ZC2HC1A: variants seen among roughly 807,000 people sequenced by gnomAD.
ZC2HC1A encodes the protein zinc finger C2HC-type containing 1A.
In ZC2HC1A, 28 loss-of-function variants were observed where a neutral mutation model predicts 40.7. The ratio of observed to expected loss-of-function variants is 0.69; its 90% confidence interval spans 0.51 to 0.94. ZC2HC1A has a LOEUF of 0.94. Among genes scored for constraint, ZC2HC1A ranks in the 40% least tolerant of loss-of-function variants. The probability of loss-of-function intolerance (pLI) is 0.00; values close to 1 mark genes in which losing one functional copy is unlikely to be tolerated. For synonymous variants in ZC2HC1A, 129 were observed against 129.2 expected (o/e 1.00, Z 0.01); for missense variants, 389 against 386.3 (o/e 1.01, Z -0.06).
chr8:78,717,443 G>T lies in ZC2HC1A; in HGVS notation c.928G>T (p.Glu310Ter). Residue 310 changes from glutamate to a stop codon, truncating the protein, a stop_gained, in exon 9 of 9, where the codon GAA (glutamate) becomes TAA (stop). Transcript: ENST00000263849. LOFTEE classifies it high-confidence loss of function. The part of the protein sequence containing the change: ...CHECGTKYPV[E>*]WAKFCCECGI... ...TGAGTGTGGGACTAAATACCCTGTA[G>T]AATGGGCCAAATTTTGCTGTGAATG... The T allele has an allele frequency of 6.2e-7, 1 of 1,604,960 alleles. No individual in the cohort carries two copies. Among genetic ancestry groups the T allele is most frequent in the African/African-American group, 1.3e-5 (1 of 74,074 alleles).
chr8:78,709,791 A>G (rs1316607317), intron 7 of ZC2HC1A, among the ~76,000 whole-genome samples: 3 of 152,168 alleles, frequency 2.0e-5, no homozygotes, highest in African/African-American at 7.2e-5. Context: ...ATTCAAAGCC[A>G]TCTTGGGTGG....
intron 2 of ZC2HC1A, 150 bp downstream of exon 2, chr8:78,676,013 T>C (rs183509135): frequency 2.6e-4 from 132 of 508,648 alleles, no homozygotes; most frequent in African/African-American, 2.3e-3. Flanking sequence ...ATTTCAGCTA[T>C]GCCATTCTTC....
chr8:78,712,402 G>A (rs62518986), intron 7 of ZC2HC1A, among the ~76,000 whole-genome samples: 7,763 of 151,992 alleles, frequency 0.051, 277 homozygotes, highest in Middle Eastern at 0.082. Context: ...TTTTTTAGTA[G>A]TAATTAGGGT....
intron 7 of ZC2HC1A, among the ~76,000 whole-genome samples, chr8:78,702,856 A>C (rs1434193539): frequency 6.6e-6 from 1 of 152,096 alleles, no homozygotes; most frequent in African/African-American, 2.4e-5. Flanking sequence ...TTTTGCTTTT[A>C]CTGAGGATGT....
intron 4 of ZC2HC1A, among the ~76,000 whole-genome samples, chr8:78,687,494 TTATA>T (rs1563626474): frequency 2.1e-5 from 3 of 143,152 alleles, no homozygotes; most frequent in Non-Finnish European, 4.5e-5. Flanking sequence ...TTATATATGT[TTATA>T]TAATAAATTA....
At chr8:78,689,501 T>C in intron 5 of ZC2HC1A, 128 bp downstream of exon 5, 1 of 819,460 alleles carries the variant, frequency 1.2e-6, no homozygotes, top group South Asian at 4.0e-5. Context: ...TATAGTTTTA[T>C]ATATCTATAA....
At chr8:78,667,477 A>C (rs1809331559) in intron 1 of ZC2HC1A, among the ~76,000 whole-genome samples, 1 of 152,158 alleles carries the variant, frequency 6.6e-6, no homozygotes, top group Non-Finnish European at 1.5e-5. Context: ...ATCATATATA[A>C]TATGATAAGG....
At chr8:78,675,715 G>A in intron 1 of ZC2HC1A, 72 bp from the exon 2 acceptor site, 2 of 1,372,032 alleles carry the variant, frequency 1.5e-6, no homozygotes, top group South Asian at 1.4e-5. Context: ...AAAACTAAGA[G>A]AAAACATTAA....
chr8:78,676,015 C>A, intron 2 of ZC2HC1A, 152 bp downstream of exon 2: 1 of 494,500 alleles, frequency 2.0e-6, no homozygotes, highest in Non-Finnish European at 3.4e-6. Flanking sequence ...TTCAGCTATG[C>A]CATTCTTCCA....
At chr8:78,668,484 A>T (rs1389276925) in intron 1 of ZC2HC1A, among the ~76,000 whole-genome samples, 2 of 152,192 alleles carry the variant, frequency 1.3e-5, no homozygotes, top group Non-Finnish European at 2.9e-5. Flanking sequence ...TAAAACAAGA[A>T]AATATATGGA....
At position 78,696,095 on chromosome 8, in the gene ZC2HC1A, C is replaced by A. The variant is rs1252994870; in HGVS notation, c.505-1312C>A. ...CTGTTGCCAGGCTAGAGTGCAGTGG[C>A]GTGATCTCGGCTCACTGCAAGCTCC... On this transcript the variant is annotated intron_variant, in intron 5 of 8. Transcript: ENST00000263849. Among the ~76,000 whole-genome samples, 8 of 151,772 alleles carry A rather than the reference C, an allele frequency of 5.3e-5. No individual in the cohort carries two copies. The South Asian group carries it at 8.3e-4, about 16-fold the overall frequency.
chr8:78,696,858 T>C (rs927386870), intron 5 of ZC2HC1A, among the ~76,000 whole-genome samples: 2 of 152,194 alleles, frequency 1.3e-5, no homozygotes, highest in African/African-American at 4.8e-5. Flanking sequence ...CAGGAACATA[T>C]AAAAATCTTG....
intron 1 of ZC2HC1A, among the ~76,000 whole-genome samples, chr8:78,671,189 T>C (rs927631724): frequency 6.6e-6 from 1 of 152,238 alleles, no homozygotes; most frequent in African/African-American, 2.4e-5. Context: ...AAATCTTTAT[T>C]TCTCATCACT....
In ZC2HC1A at chr8:78,689,306, C is replaced by T; in HGVS notation, c.437C>T (p.Ala146Val). ...ATAAATTTCTGTAAAGAACAGGCAG[C>T]ACGTATTAGTAATAAAGGGAAATTT... ...RHINFCKEQA[A>V]RISNKGKFST... The change falls in exon 5 of 9, where the codon GCA becomes GTA. Residue 146 changes from alanine to valine, a missense_variant. By Grantham distance (64) the Ala-to-Val change is moderately conservative. Coordinates refer to ENST00000263849, the MANE Select transcript of ZC2HC1A (RefSeq NM_016010.3). The T allele has an allele frequency of 6.2e-7, 1 of 1,602,596 alleles. No individual in the cohort carries two copies. Among genetic ancestry groups the T allele is most frequent in the Middle Eastern group, 1.7e-4 (1 of 6,008 alleles).
At chr8:78,708,806 C>A (rs1810866453) in intron 7 of ZC2HC1A, among the ~76,000 whole-genome samples, 1 of 151,782 alleles carries the variant, frequency 6.6e-6, no homozygotes, top group Non-Finnish European at 1.5e-5. Context: ...TCAGCCTCCC[C>A]ATTAGCTGGG....
rs1347963459 is a variant in ZC2HC1A at position 78,675,858 on chromosome 8, G to A, written c.88G>A (p.Ala30Thr). Residue 30 changes from alanine to threonine, a missense_variant, in exon 2 of 9, where the codon GCA becomes ACA. Ala to Thr is a moderately conservative substitution (Grantham distance 58, BLOSUM62 0). Coordinates refer to ENST00000263849, the MANE Select transcript of ZC2HC1A (RefSeq NM_016010.3). ...TTGTGGAAGAACATTCTTTCCAGTA[G>A]CATTAGTGAGTAGACTGATTTTGTA... ...KICGRTFFPVALKKHGPICQK... is the reference protein window; with the variant it reads ...KICGRTFFPVTLKKHGPICQK... The A allele has an allele frequency of 1.1e-5, 17 of 1,610,200 alleles. No homozygotes were observed. The highest frequency in any genetic ancestry group is 1.4e-5 in the Non-Finnish European group (16 of 1,177,444).
intron 3 of ZC2HC1A, among the ~76,000 whole-genome samples, chr8:78,684,865 A>G (rs1489071680): frequency 6.6e-6 from 1 of 152,198 alleles, no homozygotes; most frequent in Non-Finnish European, 1.5e-5. Flanking sequence ...ACTGTTTTTC[A>G]AATAGAAATA....
Position 78,666,104 on chromosome 8 carries a change from C to G in ZC2HC1A, c.-45C>G, listed in dbSNP as rs367617637. On this transcript the variant is annotated 5_prime_UTR_variant, in exon 1 of 9. Transcript: ENST00000263849. ...TGCTACAGCCAGAGCTGGGCGGTGG[C>G]GGGCGCTGCTGAAGGAGTCTCGCTG... 1.3e-6 allele frequency: 2 copies of G among 1,556,868 alleles called. 1 individual carries two copies. The highest frequency in any genetic ancestry group is 1.7e-6 in the Non-Finnish European group (2 of 1,150,304).
intron 4 of ZC2HC1A, among the ~76,000 whole-genome samples, chr8:78,687,115 A>G (rs1810007007): frequency 6.6e-6 from 1 of 152,082 alleles, no homozygotes; most frequent in Admixed American, 6.6e-5. Flanking sequence ...AAGTTGCTTG[A>G]GTCATTGTTA....
Sources: gnomAD v4.1 joint callset for allele counts (sites outside exome capture counted in the v4.1 genomes callset) on GRCh38, gnomAD v4.1.1 for gene constraint, MANE v1.5 for transcripts, NCBI Gene and HGNC (gene_info 2026-07-23, HGNC 2026-07-21) for gene names.